The following MSH3 variants were observed in gnomAD, a reference collection of about 807,000 sequenced individuals.
The protein encoded by MSH3 is DNA mismatch repair protein Msh3.
In MSH3, 106 loss-of-function variants were observed where a neutral mutation model predicts 123.3. The observed-to-expected ratio is 0.86, with a 90% CI of 0.73 to 1.01. The LOEUF (loss-of-function observed/expected upper bound fraction) is 1.01, where lower values mean the gene tolerates loss of function less well. Ranked by LOEUF, MSH3 falls within the 50% of genes least tolerant of loss-of-function variation. The pLI is 0.00. For missense variants in MSH3, 1,459 were observed against 1,347.6 expected (o/e 1.08, Z -1.29); for synonymous variants, 515 against 481.4 (o/e 1.07, Z -0.91).
At chr5:80,734,018 A>G (rs1246903931) in intron 10 of MSH3, among the ~76,000 whole-genome samples, 1 of 152,228 alleles carries the variant, frequency 6.6e-6, no homozygotes, top group Non-Finnish European at 1.5e-5. Context: ...TAAGAGCATT[A>G]GTCACAATAG....
intron 10 of MSH3, among the ~76,000 whole-genome samples, chr5:80,740,713 CTTTT>C (rs34246815): frequency 3.0e-5 from 4 of 131,406 alleles, no homozygotes; most frequent in African/African-American, 2.8e-5. Context: ...ATGTTAGAAT[CTTTT>C]TTTTTTTTTT....
chr5:80,754,540 C>A (rs763878322), intron 12 of MSH3, among the ~76,000 whole-genome samples: 1 of 152,126 alleles, frequency 6.6e-6, no homozygotes, highest in Admixed American at 6.6e-5. Context: ...CAAATACTTA[C>A]CTGTTACTCA....
At chr5:80,811,473 A>G (rs1333820818) in intron 19 of MSH3, among the ~76,000 whole-genome samples, 1 of 152,134 alleles carries the variant, frequency 6.6e-6, no homozygotes, top group Non-Finnish European at 1.5e-5. Flanking sequence ...TAGTTTATTA[A>G]GAAGTTTTGC....
chr5:80,785,709 T>C (rs913259668), intron 17 of MSH3, among the ~76,000 whole-genome samples: 70 of 152,220 alleles, frequency 4.6e-4, no homozygotes, highest in African/African-American at 1.2e-3. Context: ...TATTGCGGCA[T>C]TATTCACAAT....
At chr5:80,841,107 C>T (rs1427028415) in intron 20 of MSH3, among the ~76,000 whole-genome samples, 2 of 151,404 alleles carry the variant, frequency 1.3e-5, no homozygotes, top group East Asian at 1.9e-4. Flanking sequence ...TTCCTGTGTC[C>T]AAGTGTTCTC....
chr5:80,786,285 G>A (rs1744508166), intron 17 of MSH3, among the ~76,000 whole-genome samples: 1 of 152,152 alleles, frequency 6.6e-6, no homozygotes, highest in Non-Finnish European at 1.5e-5. Context: ...GATAGGAAGA[G>A]CACAGTTTGA....
At chr5:80,866,767 A>C (rs890776989) in intron 22 of MSH3, among the ~76,000 whole-genome samples, 2 of 152,164 alleles carry the variant, frequency 1.3e-5, no homozygotes, top group African/African-American at 4.8e-5. Context: ...TGCCATGCTA[A>C]ATATTGCTTA....
chr5:80,846,833 G>A (rs763039846), intron 20 of MSH3, among the ~76,000 whole-genome samples: 5 of 152,128 alleles, frequency 3.3e-5, no homozygotes, highest in South Asian at 2.1e-4. Flanking sequence ...GGCTTCCCTC[G>A]GCTAGGAAAA....
At chr5:80,867,817 ATTAGACCT>A (rs1195867184) in intron 22 of MSH3, among the ~76,000 whole-genome samples, 2 of 152,106 alleles carry the variant, frequency 1.3e-5, no homozygotes, top group African/African-American at 4.8e-5. Flanking sequence ...GATGGTGGAT[ATTAGACCT>A]TTGTCAGATG....
At position 80,654,849 on chromosome 5, in the gene MSH3, C is replaced by G. The variant is rs763928973; in HGVS notation, c.122C>G (p.Thr41Arg). The change falls in exon 1 of 24, where the codon ACA (threonine) becomes AGA (arginine). Residue 41 changes from threonine (T) to arginine (R), a missense_variant. By Grantham distance (71) the Thr-to-Arg change is moderately conservative. Transcript: ENST00000265081. Reference protein sequence around the residue: ...TGSLKSTSSSTGAADQVDPGA... With the variant: ...TGSLKSTSSSRGAADQVDPGA... ...AGCCTGAAATCCACCTCCTCCTCCA[C>G]AGGTGCAGCCGACCAGGTGGACCCT... 1 of 1,604,980 alleles carries G rather than the reference C, an allele frequency of 6.2e-7. No individual in the cohort carries two copies. Among genetic ancestry groups the G allele is most frequent in the Non-Finnish European group, 8.5e-7 (1 of 1,176,526 alleles).
intron 11 of MSH3, among the ~76,000 whole-genome samples, chr5:80,741,980 T>G (rs1039666589): frequency 2.6e-5 from 4 of 151,768 alleles, no homozygotes; most frequent in Admixed American, 2.0e-4. Context: ...GTAAGATGCA[T>G]AACATTTCAG....
intron 5 of MSH3, 56 bp downstream of exon 5, chr5:80,672,416 T>G (rs1580551993): frequency 1.5e-6 from 2 of 1,307,162 alleles, no homozygotes; most frequent in Admixed American, 3.4e-5. Flanking sequence ...CTCCAGAGAG[T>G]GCAAACGTGT....
At chr5:80,753,754 A>G (rs552900350) in intron 12 of MSH3, among the ~76,000 whole-genome samples, 14 of 152,042 alleles carry the variant, frequency 9.2e-5, no homozygotes, top group African/African-American at 1.4e-4. Flanking sequence ...CTCTCATCAC[A>G]TAGGCAGTTA....
At chr5:80,867,534 G>A (rs542837558) in intron 22 of MSH3, among the ~76,000 whole-genome samples, 7 of 152,138 alleles carry the variant, frequency 4.6e-5, no homozygotes, top group Non-Finnish European at 1.0e-4. Flanking sequence ...ATCAACTTCT[G>A]GAGCTGGCTT....
chr5:80,711,942 C>T lies in MSH3; in HGVS notation c.1341-13511C>T, dbSNP rs375152416. ...GTGCTGGGATTACAGGTGTGAGCCA[C>T]CACGCCCGGCCAGCACTACACTTTC... On this transcript the variant is annotated intron_variant, in intron 8 of 23. Transcript: ENST00000265081. 5.9e-5 allele frequency among the ~76,000 whole-genome samples: 9 copies of T among 152,286 alleles called. No individual in the cohort carries two copies. The East Asian group carries it at 1.7e-3, about 29-fold the overall frequency.
At chr5:80,678,544 T>C (rs950660957) in intron 7 of MSH3, among the ~76,000 whole-genome samples, 16 of 152,350 alleles carry the variant, frequency 1.1e-4, no homozygotes, top group Non-Finnish European at 2.2e-4. Flanking sequence ...AGTTTACAAA[T>C]AATTCCTGTT....
intron 20 of MSH3, among the ~76,000 whole-genome samples, chr5:80,852,356 C>G (rs898577290): frequency 3.9e-5 from 6 of 152,028 alleles, no homozygotes; most frequent in African/African-American, 2.4e-5. Context: ...AAAACTGTAT[C>G]CAGTGCTTGT....
At chr5:80,825,171 A>G (rs1303005647) in intron 20 of MSH3, among the ~76,000 whole-genome samples, 1 of 152,178 alleles carries the variant, frequency 6.6e-6, no homozygotes, top group Non-Finnish European at 1.5e-5. Context: ...ATAAAACACT[A>G]CAATACAATC....
At chr5:80,847,857 T>C (rs1242202569) in intron 20 of MSH3, among the ~76,000 whole-genome samples, 1 of 152,240 alleles carries the variant, frequency 6.6e-6, no homozygotes, top group Non-Finnish European at 1.5e-5. Flanking sequence ...GTTTTAAATC[T>C]ATTTGTTTGT....
Sources: gnomAD v4.1 joint callset for allele counts (sites outside exome capture counted in the v4.1 genomes callset) on GRCh38, gnomAD v4.1.1 for gene constraint, MANE v1.5 for transcripts, NCBI Gene and HGNC (gene_info 2026-07-23, HGNC 2026-07-21) for gene names.